TSHZ2: variants seen among roughly 807,000 people sequenced by gnomAD.
TSHZ2 encodes teashirt homolog 2.
Under a neutral mutation model 74.4 loss-of-function variants are expected in TSHZ2, and 21 were observed. The ratio of observed to expected loss-of-function variants is 0.28; its 90% CI spans 0.20 to 0.41. The LOEUF (loss-of-function observed/expected upper bound fraction) is 0.41. TSHZ2 is among the 10% of genes least tolerant of loss of function. The pLI, the probability that TSHZ2 is intolerant of heterozygous loss-of-function variation, is 1.00. For missense variants in TSHZ2, 1,244 were observed against 1,293.5 expected (o/e 0.96, Z 0.59); for synonymous variants, 540 against 515.3 (o/e 1.05, Z -0.65).
intron 1 of TSHZ2, among the ~76,000 whole-genome samples, chr20:53,062,251 G>C (rs556706994): frequency 6.6e-6 from 1 of 152,284 alleles, no homozygotes; most frequent in African/African-American, 2.4e-5. Flanking sequence ...GATAAAATAA[G>C]ACAATCACCA....
At chr20:53,262,757 G>T (rs1435426232) in intron 2 of TSHZ2, among the ~76,000 whole-genome samples, 1 of 152,214 alleles carries the variant, frequency 6.6e-6, no homozygotes, top group Non-Finnish European at 1.5e-5. Flanking sequence ...TTGGTGTGCA[G>T]TTGCTTTCTT....
intron 1 of TSHZ2, among the ~76,000 whole-genome samples, chr20:53,011,018 TGTAA>T (rs1332786557): frequency 2.0e-5 from 3 of 152,192 alleles, no homozygotes; most frequent in Non-Finnish European, 4.4e-5. Flanking sequence ...CAGAAATACT[TGTAA>T]GTAATACCAA....
chr20:52,978,730 C>T (rs898274220), intron 1 of TSHZ2, among the ~76,000 whole-genome samples: 4 of 152,084 alleles, frequency 2.6e-5, no homozygotes, highest in Non-Finnish European at 4.4e-5. Context: ...TAAAAGAAGC[C>T]TGGCGCACAA....
chr20:53,333,350 A>C (rs1481522063), intron 2 of TSHZ2, among the ~76,000 whole-genome samples: 1 of 152,240 alleles, frequency 6.6e-6, no homozygotes, highest in Non-Finnish European at 1.5e-5. Flanking sequence ...AGGCCTTTGA[A>C]GAACAATCTA....
intron 2 of TSHZ2, among the ~76,000 whole-genome samples, chr20:53,377,795 C>G (rs898215043): frequency 6.6e-6 from 1 of 151,960 alleles, no homozygotes; most frequent in Non-Finnish European, 1.5e-5. Flanking sequence ...CTCAGCAGGT[C>G]GAGGCTGCCG....
intron 1 of TSHZ2, among the ~76,000 whole-genome samples, chr20:53,157,996 T>C (rs1375970374): frequency 6.6e-6 from 1 of 151,654 alleles, no homozygotes; most frequent in African/African-American, 2.4e-5. Context: ...GAAATTTGAG[T>C]GGGGGATTGT....
At chr20:53,011,681 A>G (rs1218763916) in intron 1 of TSHZ2, among the ~76,000 whole-genome samples, 1 of 152,226 alleles carries the variant, frequency 6.6e-6, no homozygotes, top group Non-Finnish European at 1.5e-5. Flanking sequence ...TTAATTAAAT[A>G]AACAGATGGC....
At chr20:53,121,096 A>G (rs1020792542) in intron 1 of TSHZ2, among the ~76,000 whole-genome samples, 3 of 152,168 alleles carry the variant, frequency 2.0e-5, no homozygotes, top group Admixed American at 1.3e-4. Flanking sequence ...TCCTTGGAAA[A>G]CAAATATTTC....
intron 2 of TSHZ2, among the ~76,000 whole-genome samples, chr20:53,430,973 C>T (rs1219631952): frequency 6.6e-6 from 1 of 152,066 alleles, no homozygotes; most frequent in African/African-American, 2.4e-5. Context: ...TCTCGAACTC[C>T]TGACCTCAGG....
intron 1 of TSHZ2, among the ~76,000 whole-genome samples, chr20:53,220,057 A>G (rs1223120458): frequency 6.6e-6 from 1 of 152,166 alleles, no homozygotes; most frequent in Admixed American, 6.6e-5. Flanking sequence ...AAGACAAGAA[A>G]ACCACTTTCC....
Position 53,323,808 on chromosome 20 carries a change from C to T in TSHZ2, c.*8+67237C>T, listed in dbSNP as rs142930717. 6.3e-3 allele frequency among the ~76,000 whole-genome samples: 951 copies of T among 152,114 alleles called. 9 individuals are homozygous for T. The highest frequency in any genetic ancestry group is 0.022 in the African/African-American group (900 of 41,498). ...GGCCAGGCTGGTCTCAAACTCCTAA[C>T]CTTAGGTGATCCACCCGCCCCGGCC... On this transcript the variant is annotated intron_variant, in intron 2 of 2. Coordinates refer to ENST00000371497, the MANE Select transcript of TSHZ2 (RefSeq NM_173485.6).
intron 1 of TSHZ2, among the ~76,000 whole-genome samples, chr20:53,049,309 T>C (rs1188961403): frequency 3.9e-5 from 6 of 151,930 alleles, no homozygotes; most frequent in African/African-American, 1.5e-4. Flanking sequence ...TCATGCAACA[T>C]GTTCTGACTG....
At chr20:53,028,349 C>T (rs979051751) in intron 1 of TSHZ2, among the ~76,000 whole-genome samples, 15 of 152,240 alleles carry the variant, frequency 9.9e-5, no homozygotes, top group Non-Finnish European at 1.8e-4. Flanking sequence ...CCCGATGTGG[C>T]CATCTTTAAA....
chr20:53,146,219 TCA>T (rs1987536017), intron 1 of TSHZ2, among the ~76,000 whole-genome samples: 8 of 95,180 alleles, frequency 8.4e-5, no homozygotes, highest in African/African-American at 2.5e-4. Flanking sequence ...TGAACTCAAA[TCA>T]TCAGTGAATG....
At chr20:53,276,265 CTT>C (rs1397602712) in intron 2 of TSHZ2, among the ~76,000 whole-genome samples, 1 of 150,168 alleles carries the variant, frequency 6.7e-6, no homozygotes, top group Non-Finnish European at 1.5e-5. Flanking sequence ...TTTGGAACCA[CTT>C]TTTTAGGTGG....
intron 1 of TSHZ2, among the ~76,000 whole-genome samples, chr20:53,131,184 A>G (rs1021921240): frequency 3.4e-4 from 52 of 152,210 alleles, no homozygotes; most frequent in Non-Finnish European, 1.8e-4. Flanking sequence ...TTTTTGTGAA[A>G]CACAAGAAAG....
intron 1 of TSHZ2, among the ~76,000 whole-genome samples, chr20:53,177,603 C>G (rs1344949846): frequency 1.3e-5 from 2 of 152,130 alleles, no homozygotes; most frequent in African/African-American, 4.8e-5. Context: ...ACCTTCGGGG[C>G]CCCTCGCATT....
chr20:53,236,546 A>C (rs1259390149), intron 1 of TSHZ2, among the ~76,000 whole-genome samples: 1 of 152,240 alleles, frequency 6.6e-6, no homozygotes, highest in Non-Finnish European at 1.5e-5. Flanking sequence ...GCCACAAGTA[A>C]GCTAGTACAC....
intron 2 of TSHZ2, among the ~76,000 whole-genome samples, chr20:53,274,691 C>T (rs1233565118): frequency 3.3e-5 from 5 of 152,216 alleles, no homozygotes; most frequent in Non-Finnish European, 7.3e-5. Flanking sequence ...GGTCACAAGG[C>T]CATGGATGGT....
Sources: allele counts gnomAD v4.1 joint callset (sites outside exome capture counted in the v4.1 genomes callset), GRCh38; gene constraint gnomAD v4.1.1; transcripts MANE v1.5; gene names NCBI Gene and HGNC (gene_info 2026-07-23, HGNC 2026-07-21).